Variants in PDE4B observed in about 807,000 individuals in gnomAD.
PDE4B encodes the protein phosphodiesterase 4B.
In PDE4B, 20 loss-of-function variants were observed where a neutral mutation model predicts 82.2. The ratio of observed to expected loss-of-function variants is 0.24; its 90% CI spans 0.17 to 0.35. The LOEUF is 0.35. Among genes scored for constraint, PDE4B ranks in the 10% least tolerant of loss-of-function variants. PDE4B has a pLI of 1.00. For missense variants in PDE4B, 655 were observed against 907.2 expected, an observed-to-expected ratio of 0.72 and a Z score of 3.57; for synonymous variants, 320 against 318.9, an observed-to-expected ratio of 1.00 and a Z score of -0.04.
chr1:65,935,975 A>AAC (rs1648108805), intron 3 of PDE4B, among the ~76,000 whole-genome samples: 1 of 152,056 alleles, frequency 6.6e-6, no homozygotes, highest in African/African-American at 2.4e-5. Flanking sequence ...ACAACAACAA[A>AAC]AACACGTTGT....
intron 3 of PDE4B, among the ~76,000 whole-genome samples, chr1:65,989,091 T>G (rs1210911504): frequency 1.3e-5 from 2 of 152,218 alleles, no homozygotes; most frequent in Non-Finnish European, 2.9e-5. Context: ...AAGTAATGCA[T>G]TATTTAATTG....
chr1:66,038,839 G>C (rs1386118206), intron 3 of PDE4B, among the ~76,000 whole-genome samples: 1 of 152,124 alleles, frequency 6.6e-6, no homozygotes, highest in Non-Finnish European at 1.5e-5. Flanking sequence ...ATAAGGTCAT[G>C]AATCGAGATA....
Position 66,294,222 on chromosome 1 carries a change from A to G in PDE4B, c.634+28135A>G, listed in dbSNP as rs182781794. Among the ~76,000 whole-genome samples the G allele has an allele frequency of 3.9e-5, 6 of 152,254 alleles. No homozygotes were observed. In the East Asian group the frequency reaches 1.2e-3, roughly 29 times the overall value. On this transcript the variant is annotated intron_variant, in intron 7 of 16. Transcript: ENST00000341517. ...CTCCGTCTCAATTAAAATTAAAAAA[A>G]AAAATCTGTGATTTTATTTGGGCTT...
At chr1:66,275,122 G>A (rs1655787718) in intron 7 of PDE4B, among the ~76,000 whole-genome samples, 1 of 152,228 alleles carries the variant, frequency 6.6e-6, no homozygotes, top group Admixed American at 6.5e-5. Context: ...TAAAAGCAGA[G>A]TGCAAAAAAA....
chr1:65,902,608 G>A (rs905138722), intron 1 of PDE4B, among the ~76,000 whole-genome samples: 12 of 152,028 alleles, frequency 7.9e-5, no homozygotes, highest in Admixed American at 3.3e-4. Flanking sequence ...TGTGCATTAC[G>A]ATTGTGATGA....
At chr1:66,241,610 A>T (rs1200033708) in intron 3 of PDE4B, among the ~76,000 whole-genome samples, 1 of 151,966 alleles carries the variant, frequency 6.6e-6, no homozygotes, top group Admixed American at 6.6e-5. Flanking sequence ...GATGCAAGTG[A>T]TTCTCCTGCC....
chr1:66,227,412 A>C (rs1651541897), intron 3 of PDE4B, among the ~76,000 whole-genome samples: 1 of 152,262 alleles, frequency 6.6e-6, no homozygotes, highest in Admixed American at 6.5e-5. Flanking sequence ...ATCAGGTTAA[A>C]ATATTATGTA....
upstream of PDE4B, among the ~76,000 whole-genome samples, chr1:65,792,815 G>A (rs1311497267): frequency 1.3e-5 from 2 of 151,976 alleles, no homozygotes; most frequent in African/African-American, 2.4e-5. Context: ...AGCGCAGCGC[G>A]GCAGACCAAG....
intron 1 of PDE4B, among the ~76,000 whole-genome samples, chr1:65,852,947 C>A (rs967290869): frequency 2.6e-5 from 4 of 151,942 alleles, no homozygotes; most frequent in African/African-American, 9.7e-5. Flanking sequence ...GATTGCCTGT[C>A]TGCTTGTTTT....
Position 66,225,855 on chromosome 1 carries a change from C to G in PDE4B, c.282-21605C>G, listed in dbSNP as rs147348245. Among the ~76,000 whole-genome samples the G allele has an allele frequency of 5.5e-3, 844 of 152,274 alleles. 7 individuals are homozygous for G. Among genetic ancestry groups the G allele is most frequent in the African/African-American group, 0.019 (810 of 41,544 alleles). Reference sequence around the variant, plus strand: ...ATTAGTAACTCATCAATAAATTCCCCCTTGGGAGAAGTAACACATTCATTG... The same window carrying G: ...ATTAGTAACTCATCAATAAATTCCCGCTTGGGAGAAGTAACACATTCATTG... On this transcript the variant is annotated intron_variant, in intron 3 of 16. Transcript: ENST00000341517.
At chr1:65,924,458 A>G (rs973107617) in intron 3 of PDE4B, among the ~76,000 whole-genome samples, 13 of 151,898 alleles carry the variant, frequency 8.6e-5, no homozygotes, top group African/African-American at 3.1e-4. Flanking sequence ...TTTACATTTT[A>G]AAGTTTGTAT....
At chr1:65,798,830 A>G (rs80043248) in intron 1 of PDE4B, among the ~76,000 whole-genome samples, 2,835 of 152,344 alleles carry the variant, frequency 0.019, 91 homozygotes, top group African/African-American at 0.064. Context: ...TAATTACAGA[A>G]TTAAATGTCA....
At chr1:66,187,466 A>G (rs1167373384) in intron 3 of PDE4B, among the ~76,000 whole-genome samples, 1 of 151,488 alleles carries the variant, frequency 6.6e-6, no homozygotes, top group African/African-American at 2.4e-5. Context: ...CTGGTCCTGG[A>G]CTCTTTTTGG....
At chr1:66,360,657 T>C (rs1662688436) in intron 9 of PDE4B, 2 of 152,210 alleles carry the variant, frequency 1.3e-5, no homozygotes, top group African/African-American at 4.8e-5. Flanking sequence ...CCAGCATCCC[T>C]GTGGCCTGAA....
intron 2 of PDE4B, 126 bp downstream of exon 2, chr1:65,913,482 G>A: frequency 2.4e-6 from 2 of 837,822 alleles, no homozygotes; most frequent in Admixed American, 3.9e-5. Context: ...CTATGACATG[G>A]GCACAGCCAG....
intron 3 of PDE4B, among the ~76,000 whole-genome samples, chr1:66,158,171 A>T (rs1646537947): frequency 6.6e-6 from 1 of 152,200 alleles, no homozygotes; most frequent in African/African-American, 2.4e-5. Context: ...TAAACTTTTG[A>T]CCCAGTGAAA....
chr1:66,284,329 C>T (rs1656515128), intron 7 of PDE4B, among the ~76,000 whole-genome samples: 1 of 152,172 alleles, frequency 6.6e-6, no homozygotes, highest in Non-Finnish European at 1.5e-5. Flanking sequence ...TTAGCATATT[C>T]TTTGAGCACC....
At chr1:66,066,260 T>C (rs1219193255) in intron 3 of PDE4B, among the ~76,000 whole-genome samples, 2 of 151,816 alleles carry the variant, frequency 1.3e-5, no homozygotes, top group Admixed American at 6.6e-5. Flanking sequence ...AGTAATGAGA[T>C]AGTCCCTACC....
At chr1:65,896,816 C>T (rs954990399) in intron 1 of PDE4B, among the ~76,000 whole-genome samples, 2 of 152,108 alleles carry the variant, frequency 1.3e-5, no homozygotes, top group African/African-American at 4.8e-5. Context: ...TCATCTTGAC[C>T]TCCTGTCTGG....
Sources: allele counts gnomAD v4.1 joint callset (sites outside exome capture counted in the v4.1 genomes callset), GRCh38; gene constraint gnomAD v4.1.1; transcripts MANE v1.5; gene names NCBI Gene and HGNC (gene_info 2026-07-23, HGNC 2026-07-21).